Variants in ZAP70 observed in about 807,000 individuals in gnomAD.
ZAP70 encodes the protein tyrosine-protein kinase ZAP-70.
In ZAP70, 27 loss-of-function variants were observed where a neutral mutation model predicts 65.8. The observed-to-expected ratio is 0.41, with a 90% CI of 0.30 to 0.57. The LOEUF (loss-of-function observed/expected upper bound fraction) is 0.57. ZAP70 is among the 20% of genes least tolerant of loss of function. The probability of loss-of-function intolerance (pLI) is 0.28; values close to 1 mark genes in which losing one functional copy is unlikely to be tolerated. For synonymous variants in ZAP70, 363 were observed against 360.8 expected (o/e 1.01, Z -0.07); for missense variants, 696 against 870.5 (o/e 0.80, Z 2.52).
Position 97,725,029 on chromosome 2 carries a change from A to G in ZAP70, c.403-63A>G, listed in dbSNP as rs990921562. The stretch of plus-strand genomic sequence containing the variant: ...GAGTCCTCTGGGACAGGGCTCCCGG[A>G]AGGGGGTTCCTGTGGCGAGCACTTG... On this transcript the variant is annotated intron_variant, in intron 3 of 13. Coordinates refer to ENST00000264972, the MANE Select transcript of ZAP70 (RefSeq NM_001079.4). 5.0e-6 allele frequency: 8 copies of G among 1,605,260 alleles called. No individual in the cohort carries two copies. The Admixed American group carries it at 5.0e-5, about 10-fold the overall frequency.
chr2:97,747,815 GTTTTTTTTTTTTTTTTTTT>G, the ZAP70 span, among the ~76,000 whole-genome samples: 9 of 54,794 alleles, frequency 1.6e-4, no homozygotes, highest in South Asian at 7.2e-4. Context: ...CTGGCACGAG[GTTTTTTTTTTTTTTTTTTT>G]TTTTTTTTTT....
At position 97,739,704 on chromosome 2, in the gene ZAP70, G is replaced by A. The variant is rs1437011722; in HGVS notation, c.*206G>A. ...GGGGAGCAGGGAGGTCCGGGAGGGT[G>A]CGGCTGTGCAGCCTGTCCTGGGCTG... On this transcript the variant is annotated 3_prime_UTR_variant, in exon 14 of 14. Transcript: ENST00000264972. 2 of 806,182 alleles carry A rather than the reference G, an allele frequency of 2.5e-6. No homozygotes were observed. The highest frequency in any genetic ancestry group is 1.7e-5 in the African/African-American group (1 of 58,222). 49.9% of individuals were successfully genotyped at this position (806,182 alleles called of 1,614,324 possible).
chr2:97,746,896 G>C, the ZAP70 span, among the ~76,000 whole-genome samples: 1 of 152,100 alleles, frequency 6.6e-6, no homozygotes. Flanking sequence ...GACAGTCTAA[G>C]TAAAAAATGG....
the ZAP70 span, among the ~76,000 whole-genome samples, chr2:97,754,170 C>T: frequency 6.6e-6 from 1 of 152,170 alleles, no homozygotes; most frequent in African/African-American, 2.4e-5. Context: ...AAATACCTAC[C>T]CTTAGAGTAA....
rs866236067 is a variant in ZAP70, at chr2:97,731,871, C to T, written c.564-1012C>T. Among the ~76,000 whole-genome samples the T allele has an allele frequency of 2.6e-5, 4 of 152,284 alleles. No homozygotes were observed. Among genetic ancestry groups the T allele is most frequent in the African/African-American group, 7.2e-5 (3 of 41,552 alleles). On this transcript the variant is annotated intron_variant, in intron 4 of 13. Coordinates refer to ENST00000264972, the MANE Select transcript of ZAP70 (RefSeq NM_001079.4). This position sits in a 1 kb window ranked among gnomAD's most constrained non-coding sequence, Gnocchi z 4.0. ...CAGTGCAATCCCTGAGATCAGGAGT[C>T]GGCTGCTTCCGGCCTCCACAGCTTC... is the stretch of plus-strand genomic sequence containing the variant.
chr2:97,724,023 G>C lies in ZAP70; in HGVS notation c.-14G>C. On this transcript the variant is annotated 5_prime_UTR_variant, in exon 3 of 14. Transcript: ENST00000264972. ...CCCTCTGTGAACCCGCAGGTTTCGG[G>C]AGGCCCAGGGGCGATGCCAGACCCC... The C allele has an allele frequency of 6.5e-7, 1 of 1,545,940 alleles. No homozygotes were observed. The highest frequency in any genetic ancestry group is 8.7e-7 in the Non-Finnish European group (1 of 1,152,498).
chr2:97,719,666 C>T (rs1677086992), intron 2 of ZAP70, among the ~76,000 whole-genome samples: 2 of 152,028 alleles, frequency 1.3e-5, no homozygotes, highest in South Asian at 4.1e-4. Flanking sequence ...TTTTTAGTGT[C>T]CATTGTGTCT....
downstream of ZAP70, among the ~76,000 whole-genome samples, chr2:97,740,608 T>C (rs188147941): frequency 2.6e-5 from 4 of 152,296 alleles, no homozygotes; most frequent in East Asian, 7.7e-4. Flanking sequence ...GTCAAGTACA[T>C]TGGGAACGCT....
intron 2 of ZAP70, among the ~76,000 whole-genome samples, chr2:97,720,168 G>A (rs889342529): frequency 1.8e-4 from 27 of 152,224 alleles, no homozygotes; most frequent in Admixed American, 6.5e-4. Flanking sequence ...TTGTGTGAAT[G>A]TAAATTTCCA....
At chr2:97,722,270 C>CG (rs1677193488) in intron 2 of ZAP70, among the ~76,000 whole-genome samples, 1 of 151,438 alleles carries the variant, frequency 6.6e-6, no homozygotes, top group Non-Finnish European at 1.5e-5. Context: ...ATGGTGGAGA[C>CG]GGGGTTTCAC....
chr2:97,722,113 G>A (rs1026261031), intron 2 of ZAP70, among the ~76,000 whole-genome samples: 8 of 150,298 alleles, frequency 5.3e-5, no homozygotes, highest in East Asian at 3.9e-4. Context: ...AGAGTTTCGC[G>A]CTTGTTGCCC....
chr2:97,724,392 G>T lies in ZAP70; in HGVS notation c.356G>T (p.Arg119Leu). The T allele has an allele frequency of 6.5e-7, 1 of 1,537,110 alleles. No homozygotes were observed. ...EPQPGVFDCLRDAMVRDYVRQ... is the reference protein window; with the variant it reads ...EPQPGVFDCLLDAMVRDYVRQ... ...CAGCCGGGGGTCTTCGACTGCCTGC[G>T]AGACGCCATGGTGCGTGACTACGTG... The change falls in exon 3 of 14, where the codon CGA becomes CTA. Residue 119 changes from arginine (R) to leucine (L), a missense_variant. By Grantham distance (102) the Arg-to-Leu change is moderately radical. This residue lies in a region of ZAP70 where 551 missense variants were observed against 630.0 expected (regional missense o/e 0.87). Coordinates refer to ENST00000264972, the MANE Select transcript of ZAP70 (RefSeq NM_001079.4).
the ZAP70 span, among the ~76,000 whole-genome samples, chr2:97,755,311 A>ATGTG: frequency 6.6e-6 from 1 of 152,132 alleles, no homozygotes; most frequent in East Asian, 1.9e-4. Context: ...TAAAATTTAG[A>ATGTG]TGTGTAGTCT....
intron 9 of ZAP70, 98 bp downstream of exon 9, chr2:97,734,810 A>G (rs1422018332): frequency 6.6e-7 from 1 of 1,510,046 alleles, no homozygotes; most frequent in East Asian, 2.3e-5. Flanking sequence ...TCTGTCTCAC[A>G]GCAGTTTGCC....
Position 97,724,327 on chromosome 2 carries a change from C to T in ZAP70, c.291C>T (p.Asn97=), listed in dbSNP as rs1677286417. ...GCGACCCCGACGGGCTGCCCTGCAACCTGCGCAAGCCGTGCAACCGGCCGT... is the reference window on the plus strand; with the variant it reads ...GCGACCCCGACGGGCTGCCCTGCAATCTGCGCAAGCCGTGCAACCGGCCGT... ...YSRDPDGLPC[N]LRKPCNRPSG... is the part of the protein sequence containing the mutation. The change falls in exon 3 of 14, where the codon AAC becomes AAT. Residue 97 remains asparagine (N), a synonymous_variant. Coordinates refer to ENST00000264972, the MANE Select transcript of ZAP70 (RefSeq NM_001079.4). The T allele has an allele frequency of 1.9e-6, 3 of 1,574,034 alleles. No homozygotes were observed. In the East Asian group the frequency reaches 6.8e-5, roughly 36 times the overall value.
chr2:97,734,472 C>G, intron 8 of ZAP70, 48 bp from the exon 9 acceptor site: 1 of 1,573,078 alleles, frequency 6.4e-7, no homozygotes, highest in African/African-American at 1.3e-5. Context: ...TGCCTTGCTC[C>G]CCACACCCCT....
the ZAP70 span, among the ~76,000 whole-genome samples, chr2:97,746,057 G>A: frequency 6.6e-6 from 1 of 152,192 alleles, no homozygotes; most frequent in Admixed American, 6.5e-5. Context: ...GCTAGTGAAA[G>A]AAGCCAGACA....
At chr2:97,723,913 G>A (rs1347179641) in intron 2 of ZAP70, 103 bp from the exon 3 acceptor site, 20 of 1,345,374 alleles carry the variant, frequency 1.5e-5, no homozygotes, top group Admixed American at 2.1e-5. Flanking sequence ...CTCAGTCTGC[G>A]GCACTGATGC....
At chr2:97,718,008 G>A (rs930882079) in intron 2 of ZAP70, among the ~76,000 whole-genome samples, 8 of 152,234 alleles carry the variant, frequency 5.3e-5, no homozygotes, top group Non-Finnish European at 1.0e-4. Context: ...GTTCTGGGAA[G>A]GCCAAACTAG....
Sources: allele counts gnomAD v4.1 joint callset (sites outside exome capture counted in the v4.1 genomes callset), GRCh38; gene constraint gnomAD v4.1.1; regional missense constraint gnomAD v4.1.1; non-coding constraint Gnocchi (gnomAD v3.1); transcripts MANE v1.5; gene names NCBI Gene and HGNC (gene_info 2026-07-23, HGNC 2026-07-21).